STXBP4: variants seen among roughly 807,000 people sequenced by gnomAD.
STXBP4 encodes the protein syntaxin-binding protein 4.
STXBP4 carries 55 observed loss-of-function variants against 76.1 expected under a neutral mutation model. The observed-to-expected ratio is 0.72, with a 90% confidence interval of 0.58 to 0.91. STXBP4 has a LOEUF of 0.91. Ranked by LOEUF, STXBP4 falls within the 40% of genes least tolerant of loss-of-function variation. The pLI is 0.00. For synonymous variants in STXBP4, 201 were observed against 220.2 expected, an observed-to-expected ratio of 0.91 and a Z score of 0.77; for missense variants, 618 against 636.9, an observed-to-expected ratio of 0.97 and a Z score of 0.32.
chr17:54,999,224 T>A, intron 4 of STXBP4, 121 bp from the exon 5 acceptor site: 1 of 702,936 alleles, frequency 1.4e-6, no homozygotes, highest in Admixed American at 3.0e-5. Flanking sequence ...TGTCTAAGAT[T>A]TTACTTTTTA....
chr17:55,201,896 C>T, the STXBP4 span, among the ~76,000 whole-genome samples: 1 of 152,212 alleles, frequency 6.6e-6, no homozygotes, highest in Non-Finnish European at 1.5e-5. Context: ...CTGAAACATA[C>T]TTCATAATGT....
At chr17:55,099,728 A>G (rs1451337524) in intron 16 of STXBP4, among the ~76,000 whole-genome samples, 1 of 152,212 alleles carries the variant, frequency 6.6e-6, no homozygotes, top group East Asian at 1.9e-4. Context: ...CACTAAGAAC[A>G]TAGGCCAGCT....
At position 55,171,647 on chromosome 17, in the gene STXBP4, C is replaced by G. The variant is rs1263191690; in HGVS notation, c.*11736C>G. 2 of 152,174 alleles carry G rather than the reference C, an allele frequency of 1.3e-5. No individual in the cohort carries two copies. Among genetic ancestry groups the G allele is most frequent in the Admixed American group, 6.5e-5 (1 of 15,284 alleles). 9.4% of individuals were successfully genotyped at this position (152,174 alleles called of 1,614,324 possible). On this transcript the variant is annotated 3_prime_UTR_variant, in exon 18 of 18. Transcript: ENST00000376352. ...GCCATGTACATGGAAACTGACTGCT[C>G]TCATGTTACGGGTTGAACTGTGTCC...
chr17:54,982,771 A>G lies in STXBP4; in HGVS notation c.-156-2843A>G, dbSNP rs1164773274. ...GATATTTAAGGACATGACAATGAAT[A>G]CCACTGTTGGGATGGATAAGATTAA... On this transcript the variant is annotated intron_variant, in intron 1 of 17. Transcript: ENST00000376352. Among the ~76,000 whole-genome samples the G allele has an allele frequency of 2.0e-5, 3 of 152,292 alleles. No individual in the cohort carries two copies. The East Asian group carries it at 5.8e-4, about 29-fold the overall frequency.
At chr17:55,043,356 C>A in intron 11 of STXBP4, 31 bp downstream of exon 11, 1 of 1,287,052 alleles carries the variant, frequency 7.8e-7, no homozygotes, top group East Asian at 2.6e-5. Flanking sequence ...CTTATGTTTT[C>A]TTCAGAAAAA....
chr17:55,090,047 G>A (rs868180534), intron 16 of STXBP4, among the ~76,000 whole-genome samples: 5 of 152,098 alleles, frequency 3.3e-5, no homozygotes, highest in South Asian at 2.1e-4. Context: ...CAACAGTAAC[G>A]ATTGTGGGAA....
intron 6 of STXBP4, 91 bp from the exon 7 acceptor site, chr17:55,000,717 A>T (rs2077897174): frequency 3.4e-6 from 3 of 886,752 alleles, no homozygotes; most frequent in Non-Finnish European, 5.5e-6. Context: ...TAATTACTTT[A>T]ATCTCTTTAA....
At chr17:55,009,935 C>G (rs1412086850) in intron 8 of STXBP4, among the ~76,000 whole-genome samples, 1 of 151,810 alleles carries the variant, frequency 6.6e-6, no homozygotes, top group African/African-American at 2.4e-5. Flanking sequence ...TGAAATAGGT[C>G]CTTCTCTTTT....
chr17:55,086,268 A>G (rs745598380), intron 16 of STXBP4, among the ~76,000 whole-genome samples: 59 of 152,122 alleles, frequency 3.9e-4, no homozygotes, highest in Non-Finnish European at 3.1e-4. Flanking sequence ...TTTATTTTCA[A>G]TTGACAAGTA....
At chr17:55,159,722 A>ACC in intron 17 of STXBP4, 75 bp from the exon 18 acceptor site, 2 of 951,928 alleles carry the variant, frequency 2.1e-6, no homozygotes, top group Non-Finnish European at 3.3e-6. Context: ...AAGCAATGTC[A>ACC]CCAGGATCAG....
intron 16 of STXBP4, among the ~76,000 whole-genome samples, chr17:55,111,937 A>G (rs2079724320): frequency 6.6e-6 from 1 of 150,912 alleles, no homozygotes; most frequent in African/African-American, 2.5e-5. Flanking sequence ...TGTTTCTTAG[A>G]GATGATCTAA....
the STXBP4 span, among the ~76,000 whole-genome samples, chr17:55,208,775 T>G: frequency 6.6e-6 from 1 of 152,174 alleles, no homozygotes; most frequent in African/African-American, 2.4e-5. Context: ...GTAAACAAGT[T>G]TCAGTTATAA....
At chr17:54,975,750 T>C (rs1219396451) in intron 1 of STXBP4, among the ~76,000 whole-genome samples, 2 of 152,136 alleles carry the variant, frequency 1.3e-5, no homozygotes, top group Non-Finnish European at 2.9e-5. Context: ...TCTAACCTTA[T>C]CTCCTACCAC....
At chr17:55,208,406 T>TA in the STXBP4 span, among the ~76,000 whole-genome samples, 53 of 152,232 alleles carry the variant, frequency 3.5e-4, no homozygotes, top group African/African-American at 1.1e-3. Flanking sequence ...GGAGATCATA[T>TA]AATTTATCAT....
chr17:55,022,796 T>C (rs2078338130), intron 8 of STXBP4, among the ~76,000 whole-genome samples: 1 of 152,154 alleles, frequency 6.6e-6, no homozygotes, highest in Non-Finnish European at 1.5e-5. Flanking sequence ...AGAAATGTGT[T>C]CCTGGCATCA....
intron 16 of STXBP4, among the ~76,000 whole-genome samples, chr17:55,128,654 C>A (rs1025162444): frequency 1.3e-5 from 2 of 152,156 alleles, no homozygotes; most frequent in African/African-American, 4.8e-5. Context: ...CTCGCTCTGT[C>A]GCCCAGGCTG....
At chr17:55,083,380 C>A (rs2079281936) in intron 16 of STXBP4, among the ~76,000 whole-genome samples, 1 of 152,096 alleles carries the variant, frequency 6.6e-6, no homozygotes, top group African/African-American at 2.4e-5. Flanking sequence ...ATTTGAAGCA[C>A]CTACCTATCA....
chr17:55,079,221 G>T (rs1358727905), intron 15 of STXBP4, among the ~76,000 whole-genome samples: 1 of 152,012 alleles, frequency 6.6e-6, no homozygotes, highest in Admixed American at 6.6e-5. Flanking sequence ...TACCTCGATT[G>T]TCTCATTATT....
intron 16 of STXBP4, among the ~76,000 whole-genome samples, chr17:55,086,133 C>T (rs542501411): frequency 4.6e-5 from 7 of 152,242 alleles, no homozygotes; most frequent in African/African-American, 1.7e-4. Flanking sequence ...CGAAATTCTG[C>T]AGAACTTATT....
Sources: gnomAD v4.1 joint callset for allele counts (sites outside exome capture counted in the v4.1 genomes callset) on GRCh38, gnomAD v4.1.1 for gene constraint, MANE v1.5 for transcripts, NCBI Gene and HGNC (gene_info 2026-07-23, HGNC 2026-07-21) for gene names.